Variants in NELL1 observed in about 807,000 individuals in gnomAD.
NELL1 encodes neural EGFL like 1.
Under a neutral mutation model 107.4 loss-of-function variants are expected in NELL1, and 76 were observed. The observed-to-expected ratio is 0.71, with a 90% CI of 0.59 to 0.86. The LOEUF is 0.86. NELL1 is among the 40% of genes least tolerant of loss of function. The pLI is 0.00. For missense variants in NELL1, 1,024 were observed against 1,005.5 expected, an observed-to-expected ratio of 1.02 and a Z score of -0.25; for synonymous variants, 353 against 341.2, an observed-to-expected ratio of 1.03 and a Z score of -0.38.
chr11:21,030,576 T>C (rs2138601), intron 12 of NELL1, among the ~76,000 whole-genome samples: 135,981 of 150,976 alleles, frequency 0.9, 61,491 homozygotes, highest in South Asian at 0.96. Context: ...ATTTCAGAGA[T>C]GTTTTATTTT....
intron 14 of NELL1, among the ~76,000 whole-genome samples, chr11:21,269,840 C>A (rs148946606): frequency 6.6e-6 from 1 of 152,156 alleles, no homozygotes; most frequent in African/African-American, 2.4e-5. Context: ...AAAATCATAG[C>A]AACAATGTAT....
chr11:21,273,999 G>A lies in NELL1; in HGVS notation c.1549+44545G>A, dbSNP rs547250028. On this transcript the variant is annotated intron_variant, in intron 14 of 19. Coordinates refer to ENST00000357134, the MANE Select transcript of NELL1 (RefSeq NM_006157.5). The stretch of plus-strand genomic sequence containing the variant: ...CTAGGAAGAAACTGCATCAACTAAC[G>A]AGCAAAATAACCAGCTAACATCATA... Among the ~76,000 whole-genome samples, 318 of 152,186 alleles carry A rather than the reference G, an allele frequency of 2.1e-3. 1 individual carries two copies. Among genetic ancestry groups the A allele is most frequent in the African/African-American group, 5.9e-3 (244 of 41,516 alleles).
At chr11:21,467,153 T>C (rs1854052371) in intron 15 of NELL1, among the ~76,000 whole-genome samples, 1 of 152,036 alleles carries the variant, frequency 6.6e-6, no homozygotes, top group Admixed American at 6.6e-5. Flanking sequence ...AAAGCAAGGA[T>C]TCTGGAGTCA....
chr11:21,153,214 C>A (rs1856157056), intron 13 of NELL1, among the ~76,000 whole-genome samples: 1 of 151,932 alleles, frequency 6.6e-6, no homozygotes, highest in Non-Finnish European at 1.5e-5. Context: ...TTTGATTTAA[C>A]CAGATGGACC....
chr11:20,738,592 A>T (rs1238793336), intron 2 of NELL1, among the ~76,000 whole-genome samples: 1 of 152,174 alleles, frequency 6.6e-6, no homozygotes, highest in African/African-American at 2.4e-5. Flanking sequence ...TTCTTTTCTG[A>T]TGGAATTGAA....
At chr11:21,031,475 C>T (rs867318267) in intron 12 of NELL1, among the ~76,000 whole-genome samples, 59 of 152,228 alleles carry the variant, frequency 3.9e-4, no homozygotes, top group African/African-American at 1.4e-3. Flanking sequence ...ATTGAGAACA[C>T]ATTCTGATAC....
At chr11:21,227,412 GT>G (rs1246788193) in intron 13 of NELL1, among the ~76,000 whole-genome samples, 11 of 152,064 alleles carry the variant, frequency 7.2e-5, no homozygotes, top group Non-Finnish European at 1.3e-4. Flanking sequence ...CTGTGTTCCG[GT>G]TAGTTACCCC....
At chr11:21,156,505 G>T (rs1590688733) in intron 13 of NELL1, among the ~76,000 whole-genome samples, 1 of 152,210 alleles carries the variant, frequency 6.6e-6, no homozygotes, top group South Asian at 2.1e-4. Context: ...GTAGTTTGAA[G>T]AGCAGGTGTA....
At chr11:21,184,248 A>G (rs959113201) in intron 13 of NELL1, among the ~76,000 whole-genome samples, 1 of 151,396 alleles carries the variant, frequency 6.6e-6, no homozygotes, top group Admixed American at 6.6e-5. Context: ...TGGCATGCAA[A>G]TTGTTTGTTT....
intron 14 of NELL1, among the ~76,000 whole-genome samples, chr11:21,238,910 G>C (rs1175941345): frequency 4.6e-5 from 7 of 152,046 alleles, no homozygotes; most frequent in Non-Finnish European, 8.8e-5. Flanking sequence ...ACCTGTGAAA[G>C]GTGATTGTAA....
In NELL1 at chr11:21,282,496, A is replaced by G. The variant is rs1010390535; in HGVS notation, c.1549+53042A>G. Among the ~76,000 whole-genome samples, 26 of 151,914 alleles carry G rather than the reference A, an allele frequency of 1.7e-4. 1 individual carries two copies. Among genetic ancestry groups the G allele is most frequent in the Middle Eastern group, 3.4e-3 (1 of 294 alleles). On this transcript the variant is annotated intron_variant, in intron 14 of 19. Coordinates refer to ENST00000357134, the MANE Select transcript of NELL1 (RefSeq NM_006157.5). ...TCTGTCTCAAAAAAAAAAAAAAAAA[A>G]AAGGCTTATATGCAAAAGATCAGCA...
At chr11:20,821,680 G>A (rs573366951) in intron 3 of NELL1, among the ~76,000 whole-genome samples, 1 of 152,290 alleles carries the variant, frequency 6.6e-6, no homozygotes, top group African/African-American at 2.4e-5. Context: ...TTTTAATAGA[G>A]CCTCAGCAGC....
At chr11:21,332,750 TAC>T (rs1850300452) in intron 14 of NELL1, among the ~76,000 whole-genome samples, 1 of 152,010 alleles carries the variant, frequency 6.6e-6, no homozygotes, top group Non-Finnish European at 1.5e-5. Flanking sequence ...TAAATTATTT[TAC>T]AGTTTTATGA....
At chr11:20,884,547 G>A (rs1224689218) in intron 4 of NELL1, among the ~76,000 whole-genome samples, 3 of 152,142 alleles carry the variant, frequency 2.0e-5, no homozygotes, top group Non-Finnish European at 4.4e-5. Flanking sequence ...GTGATCAGTG[G>A]GTGGTTGCAG....
chr11:21,080,959 CTTT>C (rs1854253300), intron 12 of NELL1, among the ~76,000 whole-genome samples: 1 of 151,824 alleles, frequency 6.6e-6, no homozygotes, highest in Non-Finnish European at 1.5e-5. Context: ...ACTTGTTCTT[CTTT>C]GAGCCTTTTT....
chr11:21,425,514 G>C (rs577919133), intron 15 of NELL1, among the ~76,000 whole-genome samples: 28 of 152,222 alleles, frequency 1.8e-4, no homozygotes, highest in African/African-American at 6.5e-4. Context: ...AAGAGCACTG[G>C]AGTCAGAGAA....
chr11:21,260,506 G>T (rs1247372921), intron 14 of NELL1: 2 of 151,826 alleles, frequency 1.3e-5, no homozygotes, highest in Admixed American at 6.6e-5. Context: ...TGGGGCAAAA[G>T]CCATATGGAA....
intron 14 of NELL1, among the ~76,000 whole-genome samples, chr11:21,356,191 C>G (rs1034421793): frequency 6.6e-6 from 1 of 152,066 alleles, no homozygotes; most frequent in African/African-American, 2.4e-5. Context: ...TTTATTTATT[C>G]TGTCTCTTCT....
chr11:21,085,070 C>T (rs7106138), intron 12 of NELL1, among the ~76,000 whole-genome samples: 1 of 152,082 alleles, frequency 6.6e-6, no homozygotes. Flanking sequence ...ATAACAATAT[C>T]TGGCACCTAA....
Sources: gnomAD v4.1 joint callset for allele counts (sites outside exome capture counted in the v4.1 genomes callset) on GRCh38, gnomAD v4.1.1 for gene constraint, MANE v1.5 for transcripts, NCBI Gene and HGNC (gene_info 2026-07-23, HGNC 2026-07-21) for gene names.